CARMIL1: variants seen among roughly 807,000 people sequenced by gnomAD.
CARMIL1 encodes the protein capping protein regulator and myosin 1 linker 1.
CARMIL1 carries 90 observed loss-of-function variants against 177.1 expected under a neutral mutation model. The observed-to-expected ratio is 0.51, with a 90% confidence interval of 0.43 to 0.61. The LOEUF is 0.61. Ranked by LOEUF, CARMIL1 falls within the 20% of genes least tolerant of loss-of-function variation. The pLI, the probability that CARMIL1 is intolerant of heterozygous loss-of-function variation, is 0.00. For synonymous variants in CARMIL1, 577 were observed against 606.2 expected (o/e 0.95, Z 0.71); for missense variants, 1,380 against 1,667.0 (o/e 0.83, Z 3.00).
intron 2 of CARMIL1, among the ~76,000 whole-genome samples, chr6:25,348,715 G>A (rs1787807148): frequency 6.6e-6 from 1 of 152,110 alleles, no homozygotes; most frequent in African/African-American, 2.4e-5. Context: ...TCGGGAGGCA[G>A]AGGTTGCAGT....
chr6:25,409,809 C>T (rs1794749382), intron 2 of CARMIL1, among the ~76,000 whole-genome samples: 1 of 152,166 alleles, frequency 6.6e-6, no homozygotes, highest in Admixed American at 6.5e-5. Flanking sequence ...TTTCTACTTG[C>T]TGTGCCTTGG....
chr6:25,462,748 GT>G (rs937207006), intron 8 of CARMIL1, among the ~76,000 whole-genome samples: 1 of 152,086 alleles, frequency 6.6e-6, no homozygotes, highest in Non-Finnish European at 1.5e-5. Context: ...TTGTTTGTTT[GT>G]TTTTTAACAT....
chr6:25,468,361 C>T (rs1352057920), intron 9 of CARMIL1, among the ~76,000 whole-genome samples: 1 of 151,980 alleles, frequency 6.6e-6, no homozygotes, highest in Non-Finnish European at 1.5e-5. Flanking sequence ...TAGGGAATGA[C>T]ATGCTGGCAC....
At chr6:25,513,174 G>T (rs115951099) in intron 20 of CARMIL1, among the ~76,000 whole-genome samples, 3 of 152,084 alleles carry the variant, frequency 2.0e-5, no homozygotes, top group Non-Finnish European at 4.4e-5. Flanking sequence ...TATCATTTTC[G>T]TAGTAATTGA....
chr6:25,486,298 A>G (rs1054333781), intron 12 of CARMIL1, among the ~76,000 whole-genome samples: 1 of 152,176 alleles, frequency 6.6e-6, no homozygotes, highest in Non-Finnish European at 1.5e-5. Context: ...AGCTGAGGAA[A>G]TCCTTCATGC....
At chr6:25,485,817 G>A (rs1323862904) in intron 12 of CARMIL1, among the ~76,000 whole-genome samples, 2 of 151,938 alleles carry the variant, frequency 1.3e-5, no homozygotes, top group African/African-American at 4.8e-5. Flanking sequence ...ACTTCTTGAA[G>A]TATTTTACAT....
chr6:25,609,214 C>G (rs567618989), intron 35 of CARMIL1, among the ~76,000 whole-genome samples: 1 of 152,108 alleles, frequency 6.6e-6, no homozygotes, highest in Non-Finnish European at 1.5e-5. Flanking sequence ...CACCTGTAAT[C>G]CCAACACTTT....
Position 25,457,682 on chromosome 6 carries a change from A to G in CARMIL1, c.614+6971A>G, listed in dbSNP as rs563612481. On this transcript the variant is annotated intron_variant, in intron 8 of 36. Transcript: ENST00000329474. ...TTTACCAGCCGTTCCACGAGAGTGC[A>G]TAATCCATTGTGTGCATGCATGGAG... Among the ~76,000 whole-genome samples, 27 of 152,338 alleles carry G rather than the reference A, an allele frequency of 1.8e-4. No individual in the cohort carries two copies. In the South Asian group the frequency reaches 5.4e-3, roughly 30 times the overall value.
chr6:25,391,724 G>A (rs1792841056), intron 2 of CARMIL1, among the ~76,000 whole-genome samples: 1 of 152,192 alleles, frequency 6.6e-6, no homozygotes, highest in East Asian at 1.9e-4. Context: ...AACTGCATAT[G>A]GCTAGTGGTG....
chr6:25,548,620 G>T (rs1477906234), intron 26 of CARMIL1, among the ~76,000 whole-genome samples: 1 of 152,112 alleles, frequency 6.6e-6, no homozygotes, highest in Non-Finnish European at 1.5e-5. Flanking sequence ...AGAGGCTGCA[G>T]TCCTCTCTTA....
chr6:25,294,407 G>C (rs1477988368), intron 2 of CARMIL1, among the ~76,000 whole-genome samples: 1 of 152,140 alleles, frequency 6.6e-6, no homozygotes, highest in African/African-American at 2.4e-5. Context: ...GAGGATCTTG[G>C]GGCTGGAGGA....
chr6:25,482,218 G>C (rs760365231), intron 11 of CARMIL1, 39 bp from the exon 12 acceptor site: 3 of 1,028,588 alleles, frequency 2.9e-6, no homozygotes, highest in South Asian at 2.8e-5. Flanking sequence ...GCAATTCTGA[G>C]AACTTGAAAA....
intron 10 of CARMIL1, 71 bp from the exon 11 acceptor site, chr6:25,472,356 T>C: frequency 3.7e-6 from 4 of 1,073,328 alleles, no homozygotes; most frequent in Non-Finnish European, 5.6e-6. Context: ...CACTCTGTTC[T>C]AAGCTTTAAA....
intron 2 of CARMIL1, among the ~76,000 whole-genome samples, chr6:25,384,037 A>G (rs932707447): frequency 6.6e-6 from 1 of 152,108 alleles, no homozygotes; most frequent in African/African-American, 2.4e-5. Context: ...ATGGGGTTTC[A>G]CATGTTTGCC....
intron 2 of CARMIL1, among the ~76,000 whole-genome samples, chr6:25,356,050 C>CTT (rs5875031): frequency 1.9e-4 from 23 of 120,310 alleles, no homozygotes; most frequent in African/African-American, 2.8e-4. Flanking sequence ...TCTAAGACTT[C>CTT]TTTTTTTTTT....
intron 23 of CARMIL1, among the ~76,000 whole-genome samples, chr6:25,526,504 TC>T (rs1277658145): frequency 1.3e-5 from 2 of 151,612 alleles, no homozygotes; most frequent in Non-Finnish European, 2.9e-5. Context: ...TGTTCTTCTC[TC>T]CTCCTTCGCC....
intron 15 of CARMIL1, among the ~76,000 whole-genome samples, chr6:25,494,146 T>C (rs1047883306): frequency 1.3e-5 from 2 of 151,162 alleles, no homozygotes; most frequent in Non-Finnish European, 2.9e-5. Context: ...TTATTATACT[T>C]TAAGTTTTAG....
chr6:25,350,573 C>G (rs896459856), intron 2 of CARMIL1: 1 of 152,120 alleles, frequency 6.6e-6, no homozygotes, highest in Non-Finnish European at 1.5e-5. Flanking sequence ...GTGTTTGCCT[C>G]AAGTTATTAG....
At chr6:25,312,434 T>C (rs1182755417) in intron 2 of CARMIL1, among the ~76,000 whole-genome samples, 4 of 151,950 alleles carry the variant, frequency 2.6e-5, no homozygotes, top group Non-Finnish European at 5.9e-5. Flanking sequence ...TCTGGGAAAA[T>C]AGCCAGGATG....
Sources: gnomAD v4.1 joint callset for allele counts (sites outside exome capture counted in the v4.1 genomes callset) on GRCh38, gnomAD v4.1.1 for gene constraint, MANE v1.5 for transcripts, NCBI Gene and HGNC (gene_info 2026-07-23, HGNC 2026-07-21) for gene names.